The following TEX48 variants were observed in gnomAD, a reference collection of about 807,000 sequenced individuals.
TEX48 encodes the protein testis expressed 48, also known as testis-expressed protein 48.
In TEX48, 10 loss-of-function variants were observed where a neutral mutation model predicts 13.2. The observed-to-expected ratio is 0.75, with a 90% confidence interval of 0.47 to 1.28. The LOEUF is 1.28. Ranked by LOEUF, TEX48 falls within the 50% of genes most tolerant of loss-of-function variation. The probability of loss-of-function intolerance (pLI) is 0.00; values close to 1 mark genes in which losing one functional copy is unlikely to be tolerated. For synonymous variants in TEX48, 45 were observed against 52.3 expected (o/e 0.86, Z 0.60); for missense variants, 116 against 139.4 (o/e 0.83, Z 0.84).
Position 114,676,558 on chromosome 9 carries a change from T to C in TEX48, c.-104-4731A>G, listed in dbSNP as rs114903410. 5.5e-3 allele frequency among the ~76,000 whole-genome samples: 839 copies of C among 151,972 alleles called. 9 individuals carry two copies. The highest frequency in any genetic ancestry group is 0.019 in the African/African-American group (801 of 41,452). On this transcript the variant is annotated intron_variant, in intron 1 of 4. Transcript: ENST00000436752. ...CAGGTACTGTTAGGTGCTGGAGATA[T>C]AGCAGTGAACAAGACACAGGATAGA...
chr9:114,670,403 G>C (rs1368102619), intron 3 of TEX48, among the ~76,000 whole-genome samples: 1 of 152,016 alleles, frequency 6.6e-6, no homozygotes, highest in Non-Finnish European at 1.5e-5. Flanking sequence ...CTGTCTCTCA[G>C]TGGGACTCTG....
Position 114,666,695 on chromosome 9 carries a change from C to A in TEX48, c.311G>T (p.Arg104Leu), listed in dbSNP as rs1034208598. The A allele has an allele frequency of 6.5e-7, 1 of 1,535,240 alleles. No individual in the cohort carries two copies. The highest frequency in any genetic ancestry group is 8.7e-7 in the Non-Finnish European group (1 of 1,146,624). Residue 104 changes from arginine (R) to leucine (L), a missense_variant, in exon 5 of 5, where the codon CGC (arginine) becomes CTC (leucine). Arg to Leu is a moderately radical substitution (Grantham distance 102). Transcript: ENST00000436752. ...QRNFYKRNLN[R>L]YCQEHWPFQP... ...GAATGGCCAGTGCTCCTGGCAGTAG[C>A]GGTTTAAGTTTCTCTTGTAAAAATT... is the stretch of plus-strand genomic sequence containing the variant.
At chr9:114,673,651 CATT>C (rs1314594251) in intron 1 of TEX48, among the ~76,000 whole-genome samples, 1 of 151,764 alleles carries the variant, frequency 6.6e-6, no homozygotes, top group Non-Finnish European at 1.5e-5. Flanking sequence ...AAAATGAAGA[CATT>C]ATAAGATAAA....
intron 1 of TEX48, among the ~76,000 whole-genome samples, chr9:114,673,201 G>A (rs565182180): frequency 5.3e-5 from 8 of 152,174 alleles, no homozygotes; most frequent in South Asian, 4.1e-4. Context: ...GACCGGGCGC[G>A]GTGGCTCATG....
intron 1 of TEX48, among the ~76,000 whole-genome samples, chr9:114,678,064 G>A (rs999935778): frequency 6.6e-6 from 1 of 152,100 alleles, no homozygotes; most frequent in African/African-American, 2.4e-5. Context: ...AAGTTTTGAT[G>A]TCAAAAATCA....
chr9:114,681,956 G>A (rs981044060), intron 1 of TEX48, 79 bp downstream of exon 1: 1 of 152,244 alleles, frequency 6.6e-6, no homozygotes, highest in African/African-American at 2.4e-5. Flanking sequence ...GTGTCCAGGA[G>A]TGGTGGGGAC....
At chr9:114,669,197 A>C (rs1827898126) in intron 3 of TEX48, among the ~76,000 whole-genome samples, 1 of 152,154 alleles carries the variant, frequency 6.6e-6, no homozygotes, top group South Asian at 2.1e-4. Context: ...CATGTCACTA[A>C]ATTTAAAAAA....
chr9:114,678,901 G>C (rs1828130568), intron 1 of TEX48, among the ~76,000 whole-genome samples: 1 of 151,152 alleles, frequency 6.6e-6, no homozygotes, highest in African/African-American at 2.4e-5. Flanking sequence ...AAGAGTAGCA[G>C]GATGAAAAAG....
intron 1 of TEX48, among the ~76,000 whole-genome samples, chr9:114,677,506 A>T (rs1425313037): frequency 6.6e-6 from 1 of 152,182 alleles, no homozygotes; most frequent in African/African-American, 2.4e-5. Context: ...TCATCCACTT[A>T]TAAAAATGCT....
At chr9:114,675,869 A>G (rs911163358) in intron 1 of TEX48, among the ~76,000 whole-genome samples, 1 of 152,204 alleles carries the variant, frequency 6.6e-6, no homozygotes, top group Non-Finnish European at 1.5e-5. Flanking sequence ...GACCCTGTTC[A>G]CATCCTGTTC....
chr9:114,669,200 T>G (rs773285562), intron 3 of TEX48, among the ~76,000 whole-genome samples: 6 of 152,156 alleles, frequency 3.9e-5, no homozygotes, highest in Non-Finnish European at 7.4e-5. Flanking sequence ...GTCACTAAAT[T>G]TAAAAAATGG....
At chr9:114,675,669 A>C (rs1284810702) in intron 1 of TEX48, among the ~76,000 whole-genome samples, 1 of 152,350 alleles carries the variant, frequency 6.6e-6, no homozygotes, top group East Asian at 1.9e-4. Flanking sequence ...GTAGACATGT[A>C]AATCCTATCT....
intron 4 of TEX48, among the ~76,000 whole-genome samples, chr9:114,667,036 C>G (rs576581653): frequency 6.6e-6 from 1 of 152,290 alleles, no homozygotes; most frequent in Non-Finnish European, 1.5e-5. Flanking sequence ...CTGACACTTA[C>G]GTCATTCCCT....
At chr9:114,674,851 T>G (rs116982198) in intron 1 of TEX48, among the ~76,000 whole-genome samples, 3,283 of 151,006 alleles carry the variant, frequency 0.022, 60 homozygotes, top group Admixed American at 0.037. Flanking sequence ...TCTTTTTTTT[T>G]TTTTTTTTTA....
At chr9:114,669,952 T>C (rs1307306054) in intron 3 of TEX48, among the ~76,000 whole-genome samples, 2 of 152,210 alleles carry the variant, frequency 1.3e-5, no homozygotes, top group Non-Finnish European at 2.9e-5. Flanking sequence ...TCTAGGTTTC[T>C]AGAAGAACAA....
At chr9:114,677,166 G>A (rs1352438749) in intron 1 of TEX48, among the ~76,000 whole-genome samples, 4 of 152,124 alleles carry the variant, frequency 2.6e-5, no homozygotes, top group Admixed American at 2.0e-4. Context: ...GGTCAAAGTG[G>A]GGGCACTCAC....
At chr9:114,670,526 A>G in intron 3 of TEX48, among the ~76,000 whole-genome samples, 1 of 149,816 alleles carries the variant, frequency 6.7e-6, no homozygotes, top group East Asian at 1.9e-4. Flanking sequence ...GTTGATTTTG[A>G]TCCCTGATCT....
intron 1 of TEX48, among the ~76,000 whole-genome samples, chr9:114,673,279 C>G (rs150362415): frequency 1.4e-3 from 213 of 152,060 alleles, no homozygotes; most frequent in Middle Eastern, 3.4e-3. Context: ...TCGAGACCAG[C>G]CTGACCAACA....
chr9:114,671,002 A>C (rs1827935358), intron 3 of TEX48, among the ~76,000 whole-genome samples: 1 of 152,166 alleles, frequency 6.6e-6, no homozygotes, highest in African/African-American at 2.4e-5. Context: ...ATTGCCCCCA[A>C]AACAGGGATC....
Sources: allele counts gnomAD v4.1 joint callset (sites outside exome capture counted in the v4.1 genomes callset), GRCh38; gene constraint gnomAD v4.1.1; transcripts MANE v1.5; gene names NCBI Gene and HGNC (gene_info 2026-07-23, HGNC 2026-07-21).